Variants in CNTN1 observed in about 807,000 individuals in gnomAD.
CNTN1 encodes the protein contactin 1.
CNTN1 carries 38 observed loss-of-function variants against 126.4 expected under a neutral mutation model. The ratio of observed to expected loss-of-function variants is 0.30; its 90% CI spans 0.23 to 0.39. CNTN1 has a LOEUF of 0.39. Ranked by LOEUF, CNTN1 falls within the 10% of genes least tolerant of loss-of-function variation. The pLI, the probability that CNTN1 is intolerant of heterozygous loss-of-function variation, is 1.00. For missense variants in CNTN1, 1,009 were observed against 1,248.4 expected (o/e 0.81, Z 2.89); for synonymous variants, 413 against 422.6 (o/e 0.98, Z 0.28).
At position 40,933,455 on chromosome 12, in the gene CNTN1, T is replaced by C; in HGVS notation, c.704-6T>C. On this transcript the variant is annotated splice_region_variant and splice_polypyrimidine_tract_variant and intron_variant, in intron 7 of 23. Transcript: ENST00000551295. ...TAGTGGATATTTGTGTTTCTCTTAATATTAGGAACAACAAAACCATATCCT... is the reference window on the plus strand; with the variant it reads ...TAGTGGATATTTGTGTTTCTCTTAACATTAGGAACAACAAAACCATATCCT... The C allele has an allele frequency of 6.4e-7, 1 of 1,574,104 alleles. No individual in the cohort carries two copies. The highest frequency in any genetic ancestry group is 1.1e-5 in the South Asian group (1 of 90,310).
At chr12:40,742,578 TGCCCAG>T (rs1350100739) in intron 1 of CNTN1, 1 of 151,914 alleles carries the variant, frequency 6.6e-6, no homozygotes, top group African/African-American at 2.4e-5. Flanking sequence ...TTCAGTCTGT[TGCCCAG>T]GCTAGAGTGC....
At chr12:40,792,323 A>G (rs1940249268) in intron 1 of CNTN1, among the ~76,000 whole-genome samples, 1 of 152,096 alleles carries the variant, frequency 6.6e-6, no homozygotes, top group African/African-American at 2.4e-5. Context: ...TGAGGAGGCA[A>G]TGCTTATTTT....
chr12:40,891,117 T>G (rs1944225120), intron 1 of CNTN1, among the ~76,000 whole-genome samples: 1 of 152,186 alleles, frequency 6.6e-6, no homozygotes, highest in Non-Finnish European at 1.5e-5. Context: ...TGATGATATA[T>G]GATGTTGAGC....
intron 23 of CNTN1, among the ~76,000 whole-genome samples, chr12:41,031,580 C>T (rs1055551042): frequency 1.3e-5 from 2 of 152,070 alleles, no homozygotes; most frequent in African/African-American, 2.4e-5. Flanking sequence ...GGGGTTGTAT[C>T]GGTTGATTTC....
chr12:40,964,187 G>T (rs1324102351), intron 15 of CNTN1, among the ~76,000 whole-genome samples: 1 of 151,784 alleles, frequency 6.6e-6, no homozygotes, highest in Non-Finnish European at 1.5e-5. Context: ...ATGCAATTAA[G>T]ATTATATCTT....
At chr12:40,793,352 T>C (rs1304362665) in intron 1 of CNTN1, among the ~76,000 whole-genome samples, 2 of 152,086 alleles carry the variant, frequency 1.3e-5, no homozygotes, top group Non-Finnish European at 2.9e-5. Flanking sequence ...GAAATTTGTA[T>C]GCTTTTTTCC....
chr12:41,026,341 A>G (rs1486506898), intron 21 of CNTN1, among the ~76,000 whole-genome samples: 1 of 152,178 alleles, frequency 6.6e-6, no homozygotes, highest in African/African-American at 2.4e-5. Flanking sequence ...ACAAACACAA[A>G]CTCTGACAAA....
intron 1 of CNTN1, among the ~76,000 whole-genome samples, chr12:40,850,422 C>T (rs1942675128): frequency 6.6e-6 from 1 of 152,072 alleles, no homozygotes; most frequent in Non-Finnish European, 1.5e-5. Context: ...CCCTGCAGGG[C>T]TATCCAGAAG....
At chr12:40,917,882 C>A (rs1487026775) in intron 3 of CNTN1, among the ~76,000 whole-genome samples, 4 of 152,088 alleles carry the variant, frequency 2.6e-5, no homozygotes, top group Admixed American at 2.6e-4. Context: ...TTGTTCAGAT[C>A]CAATATCCGT....
At position 40,873,055 on chromosome 12, in the gene CNTN1, G is replaced by C. The variant is rs185179568; in HGVS notation, c.-76-35302G>C. Among the ~76,000 whole-genome samples the C allele has an allele frequency of 3.3e-5, 5 of 152,192 alleles. No homozygotes were observed. The East Asian group carries it at 7.7e-4, about 24-fold the overall frequency. On this transcript the variant is annotated intron_variant, in intron 1 of 23. Coordinates refer to ENST00000551295, the MANE Select transcript of CNTN1 (RefSeq NM_001843.4). ...AGGCTGACACCAACCCCATGCTGCTGTCTACTCTCCTCTGCAATTTTAGTA... is the reference window on the plus strand; with the variant it reads ...AGGCTGACACCAACCCCATGCTGCTCTCTACTCTCCTCTGCAATTTTAGTA...
chr12:41,068,772 T>C (rs1012156198), intron 23 of CNTN1, among the ~76,000 whole-genome samples: 1 of 152,218 alleles, frequency 6.6e-6, no homozygotes. Flanking sequence ...AAAACTGTTA[T>C]ATTAGTAAGC....
intron 23 of CNTN1, among the ~76,000 whole-genome samples, chr12:41,033,076 T>C (rs1949180547): frequency 6.6e-6 from 1 of 152,224 alleles, no homozygotes; most frequent in Non-Finnish European, 1.5e-5. Context: ...GCAAATTTGA[T>C]TCTTAAAAAA....
rs79950651 is a variant in CNTN1, at chr12:40,719,555, G to A, written c.-77+26963G>A. Among the ~76,000 whole-genome samples, 338 of 152,292 alleles carry A rather than the reference G, an allele frequency of 2.2e-3. 9 individuals are homozygous for A. The East Asian group carries it at 0.059, about 27-fold the overall frequency. ...TTATGAAAAAAGAGAATCTATCTTT[G>A]AATCAAGACTGAAACCTTAACTATA... On this transcript the variant is annotated intron_variant, in intron 1 of 23. Transcript: ENST00000551295.
At chr12:40,698,868 T>G (rs751069819) in intron 1 of CNTN1, among the ~76,000 whole-genome samples, 3 of 152,198 alleles carry the variant, frequency 2.0e-5, no homozygotes, top group Non-Finnish European at 4.4e-5. Context: ...TCTCCCGTAA[T>G]GTCAATCAAC....
At chr12:41,046,235 G>T (rs1379691307) in intron 23 of CNTN1, among the ~76,000 whole-genome samples, 5 of 152,086 alleles carry the variant, frequency 3.3e-5, no homozygotes, top group Admixed American at 2.0e-4. Flanking sequence ...GGAATTCACA[G>T]ATTTCAGTGT....
rs189932168 is a variant in CNTN1, at chr12:41,013,068, G to A, written c.2114-1160G>A. The stretch of plus-strand genomic sequence containing the variant: ...GAAAAGACTGGCTGGCGTTGAATGC[G>A]CTGGATTTTATAGTCAGGTTTGAGG... On this transcript the variant is annotated intron_variant, in intron 17 of 23. Transcript: ENST00000551295. Among the ~76,000 whole-genome samples the A allele has an allele frequency of 8.6e-3, 1,311 of 152,216 alleles. 44 individuals are homozygous for A. The highest frequency in any genetic ancestry group is 0.075 in the Admixed American group (1,140 of 15,290).
At chr12:40,828,049 A>G (rs770005153) in intron 1 of CNTN1, 3 of 152,142 alleles carry the variant, frequency 2.0e-5, no homozygotes, top group Non-Finnish European at 4.4e-5. Context: ...CCCAGCTCAC[A>G]GCACGGAATG....
At chr12:40,907,609 T>C (rs1316630982) in intron 1 of CNTN1, among the ~76,000 whole-genome samples, 1 of 152,216 alleles carries the variant, frequency 6.6e-6, no homozygotes, top group Non-Finnish European at 1.5e-5. Flanking sequence ...GCTACATGGT[T>C]TTGTATTTTC....
At chr12:41,066,304 T>A (rs1566253697) in intron 23 of CNTN1, among the ~76,000 whole-genome samples, 1 of 152,142 alleles carries the variant, frequency 6.6e-6, no homozygotes, top group Non-Finnish European at 1.5e-5. Flanking sequence ...TTAGAGAGAT[T>A]ATGCAATATA....
Sources: allele counts gnomAD v4.1 joint callset (sites outside exome capture counted in the v4.1 genomes callset), GRCh38; gene constraint gnomAD v4.1.1; transcripts MANE v1.5; gene names NCBI Gene and HGNC (gene_info 2026-07-23, HGNC 2026-07-21).